CAPZA1: variants seen among roughly 807,000 people sequenced by gnomAD.
The protein encoded by CAPZA1 is F-actin-capping protein subunit alpha-1.
CAPZA1 carries 10 observed loss-of-function variants against 40.8 expected under a neutral mutation model. The observed-to-expected ratio is 0.25, with a 90% CI of 0.15 to 0.42. CAPZA1 has a LOEUF of 0.42. CAPZA1 is among the 10% of genes least tolerant of loss of function. The pLI, the probability that CAPZA1 is intolerant of heterozygous loss-of-function variation, is 1.00. For missense variants in CAPZA1, 277 were observed against 353.8 expected (o/e 0.78, Z 1.74); for synonymous variants, 98 against 115.0 (o/e 0.85, Z 0.95).
At position 112,670,067 on chromosome 1, in the gene CAPZA1, C is replaced by T. The variant is rs201104692; in HGVS notation, c.796C>T (p.Arg266Cys). The change falls in exon 10 of 10, where the codon CGC becomes TGC. Residue 266 changes from arginine (R) to cysteine (C), a missense_variant. Coordinates refer to ENST00000263168, the MANE Select transcript of CAPZA1 (RefSeq NM_006135.3). ...KALRRQLPVTRTKIDWNKILS... is the reference protein window; with the variant it reads ...KALRRQLPVTCTKIDWNKILS... ...CTTGCGCCGGCAGCTTCCAGTTACC[C>T]GCACCAAAATCGACTGGAACAAGAT... The T allele has an allele frequency of 4.3e-6, 7 of 1,613,848 alleles. No individual in the cohort carries two copies. The highest frequency in any genetic ancestry group is 1.1e-5 in the South Asian group (1 of 91,078).
intron 5 of CAPZA1, among the ~76,000 whole-genome samples, chr1:112,655,351 C>A (rs917546032): frequency 2.0e-5 from 3 of 152,042 alleles, no homozygotes; most frequent in Admixed American, 2.0e-4. Context: ...GTGGTGCACA[C>A]CTGTAGTTTC....
chr1:112,646,895 A>G (rs1671290867), intron 1 of CAPZA1: 2 of 187,292 alleles, frequency 1.1e-5, no homozygotes, highest in African/African-American at 2.3e-5. Flanking sequence ...TTTTGCTTAA[A>G]TGTTCATAAT....
At chr1:112,637,537 C>T (rs1003464362) in intron 1 of CAPZA1, among the ~76,000 whole-genome samples, 3 of 152,132 alleles carry the variant, frequency 2.0e-5, no homozygotes, top group Admixed American at 6.5e-5. Flanking sequence ...AGCCTTGACC[C>T]CCCAGGCTCA....
At position 112,635,696 on chromosome 1, in the gene CAPZA1, A is replaced by G. The variant is rs187493213; in HGVS notation, c.40-11514A>G. Among the ~76,000 whole-genome samples the G allele has an allele frequency of 2.7e-3, 413 of 151,980 alleles. 1 individual carries two copies. The highest frequency in any genetic ancestry group is 9.4e-3 in the African/African-American group (391 of 41,462). On this transcript the variant is annotated intron_variant, in intron 1 of 9. Coordinates refer to ENST00000263168, the MANE Select transcript of CAPZA1 (RefSeq NM_006135.3). The stretch of plus-strand genomic sequence containing the variant: ...CTCGGCATCTGAAAGTGCTGGGATT[A>G]TAGGTGTGAGCCACCGTGCCCGGCC...
chr1:112,623,547 G>A (rs1290130618), intron 1 of CAPZA1, among the ~76,000 whole-genome samples: 1 of 151,988 alleles, frequency 6.6e-6, no homozygotes, highest in African/African-American at 2.4e-5. Flanking sequence ...TGGGCGCAGT[G>A]GCACATGCCT....
chr1:112,659,540 A>G, intron 6 of CAPZA1, 161 bp from the exon 7 acceptor site: 1 of 607,252 alleles, frequency 1.6e-6, no homozygotes, highest in Non-Finnish European at 2.9e-6. Flanking sequence ...TTGAGTAGAC[A>G]GAGCTTTGGG....
intron 1 of CAPZA1, among the ~76,000 whole-genome samples, chr1:112,635,195 GAA>G (rs1254816364): frequency 6.6e-6 from 1 of 152,070 alleles, no homozygotes; most frequent in Non-Finnish European, 1.5e-5. Flanking sequence ...TGGGTTGGAA[GAA>G]CCCAACCTTA....
Position 112,669,722 on chromosome 1 carries a change from A to C in CAPZA1, c.720+117A>C. On this transcript the variant is annotated intron_variant, in intron 9 of 9. Coordinates refer to ENST00000263168, the MANE Select transcript of CAPZA1 (RefSeq NM_006135.3). The stretch of plus-strand genomic sequence containing the variant: ...ATATACATGCTCTTCAGTTTTACTA[A>C]ATGTGGGAGACTTTGCAGACCTTCC... The C allele has an allele frequency of 3.5e-6, 3 of 848,288 alleles. No individual in the cohort carries two copies. The South Asian group carries it at 4.9e-5, about 14-fold the overall frequency. The allele number at this position is 848,288 out of a possible 1,614,324, so 52.5% of individuals were successfully genotyped here.
intron 1 of CAPZA1, among the ~76,000 whole-genome samples, chr1:112,640,065 C>T (rs1323289568): frequency 7.7e-6 from 1 of 130,202 alleles, no homozygotes; most frequent in African/African-American, 2.9e-5. Flanking sequence ...GTGAGGGTCG[C>T]CTCTGCCCGG....
intron 7 of CAPZA1, among the ~76,000 whole-genome samples, chr1:112,660,479 C>T (rs1671583438): frequency 6.6e-6 from 1 of 151,966 alleles, no homozygotes; most frequent in African/African-American, 2.4e-5. Flanking sequence ...GGGGTTTCTC[C>T]ATGTTGGTTA....
intron 1 of CAPZA1, among the ~76,000 whole-genome samples, chr1:112,624,266 G>A (rs1478844270): frequency 6.6e-6 from 1 of 151,920 alleles, no homozygotes; most frequent in African/African-American, 2.4e-5. Flanking sequence ...TTTCCATATA[G>A]GTATGAATGA....
chr1:112,638,086 G>T (rs1460404319), intron 1 of CAPZA1, among the ~76,000 whole-genome samples: 2 of 152,172 alleles, frequency 1.3e-5, no homozygotes, highest in Admixed American at 1.3e-4. Flanking sequence ...AATTGTGAAG[G>T]TTGGAAGGGT....
At chr1:112,629,732 C>T (rs557747364) in intron 1 of CAPZA1, among the ~76,000 whole-genome samples, 157 of 152,306 alleles carry the variant, frequency 1.0e-3, no homozygotes, top group African/African-American at 2.9e-3. Flanking sequence ...TTGGTATTAC[C>T]ATCATTACTG....
At chr1:112,627,636 CAAAAAAAAAAAAAAAA>C (rs3034524) in intron 1 of CAPZA1, among the ~76,000 whole-genome samples, 2 of 50,764 alleles carry the variant, frequency 3.9e-5, no homozygotes, top group Admixed American at 3.2e-4. Context: ...GACTCTGTCT[CAAAAAAAAAAAAAAAA>C]AAAAAAAAAA....
Position 112,670,601 on chromosome 1 carries a change from A to G in CAPZA1, c.*469A>G, listed in dbSNP as rs149626944. The G allele has an allele frequency of 1.3e-5, 2 of 153,132 alleles. No homozygotes were observed. Among genetic ancestry groups the G allele is most frequent in the Non-Finnish European group, 2.9e-5 (2 of 68,340 alleles). 9.5% of individuals were successfully genotyped at this position (153,132 alleles called of 1,614,324 possible). A position where few individuals can be genotyped will look rare whatever the true frequency, so the allele number is the denominator to read the frequency against. Reference sequence around the variant, plus strand: ...AGGCTATGCTACAGTCTCTAGCTAAATGGAAGACACATTCATCCTTCTCCC... The same window carrying G: ...AGGCTATGCTACAGTCTCTAGCTAAGTGGAAGACACATTCATCCTTCTCCC... On this transcript the variant is annotated 3_prime_UTR_variant, in exon 10 of 10. Coordinates refer to ENST00000263168, the MANE Select transcript of CAPZA1 (RefSeq NM_006135.3).
intron 1 of CAPZA1, among the ~76,000 whole-genome samples, chr1:112,624,035 AAAAG>A (rs1193900460): frequency 6.6e-6 from 1 of 151,138 alleles, no homozygotes; most frequent in Non-Finnish European, 1.5e-5. Context: ...AAAGAAAAGA[AAAAG>A]AAATCCTAGG....
chr1:112,630,174 G>T (rs1006355552), intron 1 of CAPZA1, among the ~76,000 whole-genome samples: 8 of 151,834 alleles, frequency 5.3e-5, no homozygotes, highest in African/African-American at 1.9e-4. Context: ...TTTCTAATGA[G>T]TAGCTAGGAC....
At chr1:112,621,684 A>G (rs1039313544) in intron 1 of CAPZA1, among the ~76,000 whole-genome samples, 1 of 151,542 alleles carries the variant, frequency 6.6e-6, no homozygotes, top group Non-Finnish European at 1.5e-5. Context: ...GGGAAAATAT[A>G]TATTTTAAAA....
At chr1:112,619,995 A>G (rs1335421868) in intron 1 of CAPZA1, 112 bp downstream of exon 1, 115 of 824,456 alleles carry the variant, frequency 1.4e-4, no homozygotes, top group Non-Finnish European at 3.9e-5. Context: ...TTCTTGGTCC[A>G]TGCTGACATA....
Sources: allele counts gnomAD v4.1 joint callset (sites outside exome capture counted in the v4.1 genomes callset), GRCh38; gene constraint gnomAD v4.1.1; transcripts MANE v1.5; gene names NCBI Gene and HGNC (gene_info 2026-07-23, HGNC 2026-07-21).